Variants in SYBU observed in about 807,000 individuals in gnomAD.
The protein encoded by SYBU is syntabulin, also known as GOLSYN A protein.
Under a neutral mutation model 35.9 loss-of-function variants are expected in SYBU, and 21 were observed. That is an observed-to-expected ratio of 0.58 (90% CI 0.41 to 0.84). The LOEUF is 0.84. Ranked by LOEUF, SYBU falls within the 40% of genes least tolerant of loss-of-function variation. SYBU has a pLI of 0.00. For missense variants in SYBU, 768 were observed against 848.2 expected (o/e 0.91, Z 1.17); for synonymous variants, 319 against 324.3 (o/e 0.98, Z 0.18).
chr8:109,638,551 T>A (rs529887228), intron 2 of SYBU, among the ~76,000 whole-genome samples: 119 of 152,216 alleles, frequency 7.8e-4, no homozygotes, highest in African/African-American at 2.4e-3. Context: ...ACTTTTTTTT[T>A]AAAAGGGGAC....
At chr8:109,597,825 G>A (rs926031903) in intron 3 of SYBU, among the ~76,000 whole-genome samples, 17 of 152,234 alleles carry the variant, frequency 1.1e-4, no homozygotes, top group African/African-American at 4.1e-4. Context: ...CTATGTGTTA[G>A]AGCTGATGAC....
At chr8:109,677,034 A>ATGTGTG (rs10638682) in intron 1 of SYBU, among the ~76,000 whole-genome samples, 11,502 of 146,120 alleles carry the variant, frequency 0.079, 538 homozygotes, top group East Asian at 0.12. Flanking sequence ...CAGGGTGTTC[A>ATGTGTG]TGTGTGTGTG....
At chr8:109,600,535 TACC>T (rs1223352864) in intron 3 of SYBU, among the ~76,000 whole-genome samples, 1 of 152,144 alleles carries the variant, frequency 6.6e-6, no homozygotes, top group African/African-American at 2.4e-5. Context: ...GGAAGAAAGG[TACC>T]AAAAGAACTT....
chr8:109,608,494 C>T (rs1034244004), intron 3 of SYBU, among the ~76,000 whole-genome samples: 42 of 152,114 alleles, frequency 2.8e-4, no homozygotes, highest in Admixed American at 1.6e-3. Context: ...CACAACACTG[C>T]CCAGAAGAAA....
chr8:109,623,760 A>C (rs951467368), intron 2 of SYBU, among the ~76,000 whole-genome samples: 7 of 152,140 alleles, frequency 4.6e-5, no homozygotes, highest in Non-Finnish European at 1.0e-4. Context: ...GTACTTGCTA[A>C]ATTAAATTAA....
chr8:109,581,593 A>G (rs912619100), intron 4 of SYBU, among the ~76,000 whole-genome samples: 1 of 152,228 alleles, frequency 6.6e-6, no homozygotes, highest in African/African-American at 2.4e-5. Flanking sequence ...ATATTACTTG[A>G]TGGCAAAAAA....
At position 109,586,095 on chromosome 8, in the gene SYBU, C is replaced by T. The variant is rs747248240; in HGVS notation, c.495G>A (p.Ser165=). The change falls in exon 4 of 7, where the codon TCG becomes TCA. Residue 165 remains serine (S), a synonymous_variant. Transcript: ENST00000276646. ...AAGAAGACCGCTTGCTTCCCGCAGT[C>T]GACATATGGACCTCAGGAGCGGAAA... is the stretch of plus-strand genomic sequence containing the variant. The part of the protein sequence containing the change: ...GSISAPEVHM[S]TAGSKRSSSS... 1.3e-5 allele frequency: 21 copies of T among 1,611,814 alleles called. No homozygotes were observed. The highest frequency in any genetic ancestry group is 3.3e-5 in the South Asian group (3 of 90,266).
At chr8:109,646,693 T>C (rs1285495394), upstream of SYBU, 1 of 152,202 alleles carries the variant, frequency 6.6e-6, no homozygotes, top group East Asian at 1.9e-4. Context: ...TGGATGCTTC[T>C]GAGTTCCCTA....
chr8:109,610,986 G>A (rs1416923216), intron 3 of SYBU, among the ~76,000 whole-genome samples: 1 of 152,156 alleles, frequency 6.6e-6, no homozygotes, highest in Non-Finnish European at 1.5e-5. Context: ...TTCAATAAAT[G>A]CTCCTCAATT....
chr8:109,690,561 G>T (rs1056939177), intron 1 of SYBU, among the ~76,000 whole-genome samples: 1 of 152,160 alleles, frequency 6.6e-6, no homozygotes, highest in Non-Finnish European at 1.5e-5. Context: ...TGTTTTCCTT[G>T]ATAGCACTAC....
chr8:109,582,361 A>ATC (rs1823131283), intron 4 of SYBU, among the ~76,000 whole-genome samples: 1 of 152,210 alleles, frequency 6.6e-6, no homozygotes, highest in Admixed American at 6.5e-5. Flanking sequence ...CATTATAGGC[A>ATC]TTGATAGGAA....
upstream of SYBU, chr8:109,645,711 CT>C: frequency 4.5e-6 from 1 of 220,882 alleles, no homozygotes; most frequent in East Asian, 1.0e-4. Flanking sequence ...GCGATCAGGG[CT>C]CACTGCAACC....
chr8:109,636,113 G>A (rs1247377200), intron 2 of SYBU, among the ~76,000 whole-genome samples: 1 of 152,140 alleles, frequency 6.6e-6, no homozygotes, highest in African/African-American at 2.4e-5. Flanking sequence ...TCTGAGCATG[G>A]CATAGGAAGT....
intron 3 of SYBU, among the ~76,000 whole-genome samples, chr8:109,596,744 C>T (rs570396702): frequency 3.5e-4 from 53 of 152,078 alleles, no homozygotes; most frequent in Non-Finnish European, 2.9e-5. Flanking sequence ...TTCATTCTCC[C>T]GATAATGAGA....
At position 109,644,694 on chromosome 8, in the gene SYBU, T is replaced by TGCCGCC; in HGVS notation, c.-41_-36dup. On this transcript the variant is annotated 5_prime_UTR_variant, in exon 1 of 7. Coordinates refer to ENST00000276646, the MANE Select transcript of SYBU (RefSeq NM_001099754.2). ...GCCCGCCGGCTCCTCGCGCCGCCGC[T>TGCCGCC]GCCGCCGTCCAGGAGGAGGCACCTG... is the stretch of plus-strand genomic sequence containing the variant. 2.0e-6 allele frequency: 3 copies of TGCCGCC among 1,497,922 alleles called. No individual in the cohort carries two copies. Among genetic ancestry groups the TGCCGCC allele is most frequent in the African/African-American group, 1.4e-5 (1 of 69,376 alleles). The allele number at this position is 1,497,922 out of a possible 1,614,324, so 92.8% of individuals were successfully genotyped here.
chr8:109,690,042 G>C (rs573785801), intron 1 of SYBU, among the ~76,000 whole-genome samples: 27 of 152,078 alleles, frequency 1.8e-4, no homozygotes, highest in African/African-American at 6.3e-4. Flanking sequence ...TCACCTTAAA[G>C]ACTATTAAAT....
At chr8:109,623,114 A>T (rs1282576089) in intron 2 of SYBU, among the ~76,000 whole-genome samples, 1 of 152,190 alleles carries the variant, frequency 6.6e-6, no homozygotes, top group Non-Finnish European at 1.5e-5. Context: ...AAGTAGGTAT[A>T]ACTTTACCTA....
intron 3 of SYBU, among the ~76,000 whole-genome samples, chr8:109,598,509 A>C (rs1437074552): frequency 1.3e-5 from 2 of 152,216 alleles, no homozygotes; most frequent in African/African-American, 4.8e-5. Context: ...CTAAAAGAGT[A>C]CCTATCATAT....
chr8:109,687,509 T>C (rs1563781901), intron 1 of SYBU, among the ~76,000 whole-genome samples: 1 of 152,156 alleles, frequency 6.6e-6, no homozygotes, highest in African/African-American at 2.4e-5. Flanking sequence ...CATATAGTTC[T>C]GATTTTCAAA....
Sources: gnomAD v4.1 joint callset for allele counts (sites outside exome capture counted in the v4.1 genomes callset) on GRCh38, gnomAD v4.1.1 for gene constraint, MANE v1.5 for transcripts, NCBI Gene and HGNC (gene_info 2026-07-23, HGNC 2026-07-21) for gene names.